Variants in CALN1 observed in about 807,000 individuals in gnomAD.
The protein encoded by CALN1 is calcium-binding protein 8.
A neutral mutation model predicts 30.6 loss-of-function variants in CALN1; 17 were observed. The ratio of observed to expected loss-of-function variants is 0.56; its 90% CI spans 0.38 to 0.83. The LOEUF is 0.83. CALN1 is among the 40% of genes least tolerant of loss of function. The pLI, the probability that CALN1 is intolerant of heterozygous loss-of-function variation, is 0.00. For synonymous variants in CALN1, 156 were observed against 131.4 expected, an observed-to-expected ratio of 1.19 and a Z score of -1.28; for missense variants, 291 against 354.9, an observed-to-expected ratio of 0.82 and a Z score of 1.45.
intron 3 of CALN1, among the ~76,000 whole-genome samples, chr7:72,225,154 A>G (rs1793583616): frequency 6.6e-6 from 1 of 151,740 alleles, no homozygotes; most frequent in Non-Finnish European, 1.5e-5. Flanking sequence ...GGTCTCTCAT[A>G]GGCCCAATGT....
At chr7:72,252,723 T>A (rs933172884) in intron 3 of CALN1, among the ~76,000 whole-genome samples, 2 of 152,072 alleles carry the variant, frequency 1.3e-5, no homozygotes, top group African/African-American at 4.8e-5. Context: ...CCACCGTATC[T>A]CGTCTGGATT....
intron 5 of CALN1, among the ~76,000 whole-genome samples, chr7:71,819,639 C>A (rs1261739825): frequency 1.3e-5 from 2 of 152,178 alleles, no homozygotes; most frequent in African/African-American, 2.4e-5. Flanking sequence ...TATCATTAAA[C>A]ACTATCTCCC....
At chr7:72,425,117 G>C (rs1349055927) in intron 1 of CALN1, among the ~76,000 whole-genome samples, 1 of 152,000 alleles carries the variant, frequency 6.6e-6, no homozygotes, top group Non-Finnish European at 1.5e-5. Flanking sequence ...TGCAGGGCTG[G>C]GGGGTTGTTT....
chr7:72,339,959 TCTATCATTCCCTATAGA>T (rs1208139411), intron 2 of CALN1, among the ~76,000 whole-genome samples: 1 of 152,160 alleles, frequency 6.6e-6, no homozygotes, highest in Non-Finnish European at 1.5e-5. Context: ...TTCCCTATAG[TCTATCATTCCCTATAGA>T]ATCTAAACAT....
chr7:72,170,267 T>A (rs1005209060), intron 3 of CALN1, among the ~76,000 whole-genome samples: 2 of 152,206 alleles, frequency 1.3e-5, no homozygotes, highest in African/African-American at 4.8e-5. Context: ...GTGTGTGCCA[T>A]CGTGCCTGGC....
At chr7:72,440,984 T>C (rs1309816548) in intron 1 of CALN1, among the ~76,000 whole-genome samples, 1 of 152,232 alleles carries the variant, frequency 6.6e-6, no homozygotes, top group Non-Finnish European at 1.5e-5. Context: ...TATGATCATA[T>C]ATTTTTTATT....
At chr7:72,175,711 A>G (rs1238188450) in intron 3 of CALN1, among the ~76,000 whole-genome samples, 1 of 151,814 alleles carries the variant, frequency 6.6e-6, no homozygotes, top group Non-Finnish European at 1.5e-5. Context: ...TTGTGAGAAC[A>G]AACGCCGCCA....
intron 3 of CALN1, among the ~76,000 whole-genome samples, chr7:72,188,094 C>T (rs1194526264): frequency 1.3e-5 from 2 of 152,110 alleles, no homozygotes; most frequent in South Asian, 4.1e-4. Flanking sequence ...CGTAAAACTA[C>T]CATTTGATCC....
intron 5 of CALN1, among the ~76,000 whole-genome samples, chr7:72,004,616 G>C (rs149714906): frequency 6.6e-6 from 1 of 152,040 alleles, no homozygotes; most frequent in African/African-American, 2.4e-5. Flanking sequence ...ACTTGCAGAA[G>C]ACATTTGCAA....
intron 3 of CALN1, among the ~76,000 whole-genome samples, chr7:72,152,032 C>T (rs1303787245): frequency 6.6e-6 from 1 of 151,656 alleles, no homozygotes; most frequent in Non-Finnish European, 1.5e-5. Context: ...CCTCAGCCTC[C>T]CAGGTAGCTT....
chr7:72,012,613 C>G (rs935334257), intron 5 of CALN1, among the ~76,000 whole-genome samples: 1 of 152,166 alleles, frequency 6.6e-6, no homozygotes. Flanking sequence ...AGCATATTAA[C>G]TGGACATAAG....
At chr7:72,482,302 T>C in the CALN1 span, among the ~76,000 whole-genome samples, 5 of 152,310 alleles carry the variant, frequency 3.3e-5, no homozygotes, top group Admixed American at 3.3e-4. Flanking sequence ...TCTTGCTTTT[T>C]TATCCAAACT....
intron 2 of CALN1, 114 bp from the exon 3 acceptor site, chr7:72,278,924 A>G: frequency 7.2e-7 from 1 of 1,384,900 alleles, no homozygotes; most frequent in South Asian, 1.4e-5. Flanking sequence ...TAAAAATAGC[A>G]GTAATATTTC....
At chr7:71,973,867 C>A (rs775757528) in intron 5 of CALN1, among the ~76,000 whole-genome samples, 1 of 152,120 alleles carries the variant, frequency 6.6e-6, no homozygotes, top group Non-Finnish European at 1.5e-5. Context: ...TAAAAGGATG[C>A]TCTAATTATC....
chr7:72,106,356 A>T, intron 3 of CALN1, 62 bp from the exon 4 acceptor site: 1 of 1,597,762 alleles, frequency 6.3e-7, no homozygotes, highest in Non-Finnish European at 8.6e-7. Flanking sequence ...CACTGCAGTT[A>T]TTGGTGATTG....
intron 5 of CALN1, among the ~76,000 whole-genome samples, chr7:71,928,177 G>A (rs1795364096): frequency 6.6e-6 from 1 of 152,118 alleles, no homozygotes; most frequent in South Asian, 2.1e-4. Flanking sequence ...AGTGCACAAC[G>A]GAGGTCCATG....
the CALN1 span, among the ~76,000 whole-genome samples, chr7:72,485,251 A>G: frequency 6.6e-6 from 1 of 152,048 alleles, no homozygotes; most frequent in African/African-American, 2.4e-5. Context: ...CAAGACTCTT[A>G]AGTATTAACT....
chr7:72,341,722 T>C (rs1314832741), intron 2 of CALN1, among the ~76,000 whole-genome samples: 1 of 152,208 alleles, frequency 6.6e-6, no homozygotes, highest in East Asian at 1.9e-4. Context: ...TGCCCTCATC[T>C]ATAAAATGGG....
chr7:72,400,991 C>T (rs972447638), intron 2 of CALN1, among the ~76,000 whole-genome samples: 1 of 152,178 alleles, frequency 6.6e-6, no homozygotes, highest in Non-Finnish European at 1.5e-5. Context: ...CATAACCACT[C>T]AGGCCACTGC....
Sources: allele counts gnomAD v4.1 joint callset (sites outside exome capture counted in the v4.1 genomes callset), GRCh38; gene constraint gnomAD v4.1.1; transcripts MANE v1.5; gene names NCBI Gene and HGNC (gene_info 2026-07-23, HGNC 2026-07-21).